The following OR5P2 variants were observed in gnomAD, a reference collection of about 807,000 sequenced individuals.
OR5P2 encodes olfactory receptor 5P2.
For synonymous variants in OR5P2, 165 were observed against 145.6 expected, an observed-to-expected ratio of 1.13 and a Z score of -0.96; for missense variants, 455 against 382.3, an observed-to-expected ratio of 1.19 and a Z score of -1.59.
Position 7,796,310 on chromosome 11 carries a change from G to A in OR5P2, c.633C>T (p.Ala211=), listed in dbSNP as rs1976626. 21,037 of 1,604,714 alleles carry A rather than the reference G, an allele frequency of 0.013. 1,992 individuals are homozygous for A. Among genetic ancestry groups the A allele is most frequent in the African/African-American group, 0.092 (6,390 of 69,136 alleles). Residue 211 remains alanine, a synonymous_variant, in exon 1 of 1, where the codon GCC becomes GCT. Transcript: ENST00000329434. Reference sequence around the variant, plus strand: ...TGATGAGGATATAGATGTAGCAGACGGCTATGACACACACAGTGACCACAA... The same window carrying A: ...TGATGAGGATATAGATGTAGCAGACAGCTATGACACACACAGTGACCACAA... ...SIIVVTVCVI[A]VCYIYILITI... is the part of the protein sequence containing the mutation.
At position 7,796,664 on chromosome 11, in the gene OR5P2, A is replaced by G. The variant is rs1357209673; in HGVS notation, c.279T>C (p.Cys93=). 4 of 1,605,278 alleles carry G rather than the reference A, an allele frequency of 2.5e-6. 1 individual carries two copies. In the South Asian group the frequency reaches 4.4e-5, roughly 18 times the overall value. Residue 93 remains cysteine (C), a synonymous_variant, in exon 1 of 1, where the codon TGT becomes TGC. Coordinates refer to ENST00000329434, the MANE Select transcript of OR5P2 (RefSeq NM_153444.1). The part of the protein sequence containing the change: ...VERNTVSYLG[C]AIQLGSAAFF... ...AAGCCGCTGAACCAAGCTGGATGGC[A>G]CATCCAAGGTAGGAGACTGTATTTC...
In OR5P2 at chr11:7,796,705, T is replaced by A. The variant is rs775969176; in HGVS notation, c.238A>T (p.Asn80Tyr). The A allele has an allele frequency of 1.1e-5, 17 of 1,605,566 alleles. 1 individual carries two copies. The South Asian group carries it at 1.7e-4, about 16-fold the overall frequency. Residue 80 changes from asparagine (N) to tyrosine (Y), a missense_variant, in exon 1 of 1, where the codon AAC (asparagine) becomes TAC (tyrosine). Asn to Tyr is a moderately radical substitution (Grantham distance 143). Transcript: ENST00000329434. ...SSSVTPNMLVNFLVERNTVSY... is the reference protein window; with the variant it reads ...SSSVTPNMLVYFLVERNTVSY... ...ACTGTATTTCTCTCCACCAGGAAGT[T>A]TACAAGCATGTTGGGTGTGACAGAA...
rs770565786 is a variant in OR5P2 at position 7,796,043 on chromosome 11, C to T, written c.900G>A (p.Glu300=). The change falls in exon 1 of 1, where the codon GAG becomes GAA. Residue 300 remains glutamate, a synonymous_variant. Transcript: ENST00000329434. ...NKEIKGALKR[E]LVRKILSHDA... ...CATGAGAAAGTATTTTTCTAACAAG[C>T]TCTCTCTTCAGAGCCCCCTTAATCT... The T allele has an allele frequency of 1.9e-5, 31 of 1,603,716 alleles. 4 individuals carry two copies. The highest frequency in any genetic ancestry group is 1.7e-4 in the Middle Eastern group (1 of 6,034).
In OR5P2 at chr11:7,796,882, T is replaced by C; in HGVS notation, c.61A>G (p.Thr21Ala). The change falls in exon 1 of 1, where the codon ACA (threonine) becomes GCA (alanine). Residue 21 changes from threonine to alanine, a missense_variant. By Grantham distance (58) the Thr-to-Ala change is moderately conservative. Coordinates refer to ENST00000329434, the MANE Select transcript of OR5P2 (RefSeq NM_153444.1). ...ATGACTCGAAGGATTGGATCATCTG[T>C]TAAGCCCAATAGGATGAACCCCGTC... ...ALTGFILLGL[T>A]DDPILRVILF... 1 of 1,585,670 alleles carries C rather than the reference T, an allele frequency of 6.3e-7. No homozygotes were observed. The highest frequency in any genetic ancestry group is 2.3e-5 in the East Asian group (1 of 44,228).
rs1564822273 is a variant in OR5P2 at position 7,796,139 on chromosome 11, C to A, written c.804G>T (p.Lys268Asn). 1 of 1,605,332 alleles carries A rather than the reference C, an allele frequency of 6.2e-7. No homozygotes were observed. Among genetic ancestry groups the A allele is most frequent in the African/African-American group, 1.4e-5 (1 of 69,334 alleles). Residue 268 changes from lysine to asparagine, a missense_variant, in exon 1 of 1, where the codon AAG (lysine) becomes AAT (asparagine). Transcript: ENST00000329434. Reference protein sequence around the residue: ...PNFSYSTDQNKVVSVLYTVVI... With the variant: ...PNFSYSTDQNNVVSVLYTVVI... ...CCACTGTGTACAACACAGACACCAC[C>A]TTGTTCTGGTCAGTTGAGTAGCTAA...
In OR5P2 at chr11:7,796,510, A is replaced by C; in HGVS notation, c.433T>G (p.Tyr145Asp). 3 of 1,605,196 alleles carry C rather than the reference A, an allele frequency of 1.9e-6. No individual in the cohort carries two copies. In the East Asian group the frequency reaches 6.8e-5, roughly 36 times the overall value. ...ACAGCAATGAGAAAACCAGCTATGT[A>C]AACTACTAAGAGTAGCTGGACACTG... ...QVSVQLLLVV[Y>D]IAGFLIAVSY... The change falls in exon 1 of 1, where the codon TAC (tyrosine) becomes GAC (aspartate). Residue 145 changes from tyrosine to aspartate, a missense_variant. Transcript: ENST00000329434.
Position 7,796,551 on chromosome 11 carries a change from T to G in OR5P2, c.392A>C (p.Lys131Thr), listed in dbSNP as rs777015321. 1.2e-5 allele frequency: 19 copies of G among 1,605,548 alleles called. 1 individual carries two copies. Among genetic ancestry groups the G allele is most frequent in the Non-Finnish European group, 1.5e-5 (18 of 1,178,760 alleles). Residue 131 changes from lysine to threonine, a missense_variant, in exon 1 of 1, where the codon AAA becomes ACA. By Grantham distance (78) the Lys-to-Thr change is moderately conservative. Transcript: ENST00000329434. ...CTGGACACTGACTTGTGTGGACATT[T>G]TGGTTGAATAAAGCAGTGGACTGCA... ...AICSPLLYST[K>T]MSTQVSVQLL...
rs779327457 is a variant in OR5P2 at position 7,796,015 on chromosome 11, C to A, written c.928G>T (p.Ala310Ser). The A allele has an allele frequency of 1.2e-5, 19 of 1,594,232 alleles. 1 individual carries two copies. Among genetic ancestry groups the A allele is most frequent in the Admixed American group, 1.7e-5 (1 of 59,684 alleles). Residue 310 changes from alanine to serine, a missense_variant, in exon 1 of 1, where the codon GCT becomes TCT. Physicochemically the swap from Ala to Ser is moderately conservative, Grantham distance 99. Coordinates refer to ENST00000329434, the MANE Select transcript of OR5P2 (RefSeq NM_153444.1). ...TTTGAAGTTCTACTAAAATAACAAG[C>A]ATCATGAGAAAGTATTTTTCTAACA... Reference protein sequence around the residue: ...ELVRKILSHDACYFSRTSNND... With the variant: ...ELVRKILSHDSCYFSRTSNND...
Position 7,796,565 on chromosome 11 carries a change from C to T in OR5P2, c.378G>A (p.Leu126=), listed in dbSNP as rs546856795. Residue 126 remains leucine, a synonymous_variant, in exon 1 of 1, where the codon CTG becomes CTA. Transcript: ENST00000329434. ...GTGTGGACATTTTGGTTGAATAAAG[C>T]AGTGGACTGCAAATTGCCACAAAGC... ...YDRFVAICSP[L]LYSTKMSTQV... The T allele has an allele frequency of 3.1e-6, 5 of 1,605,646 alleles. No homozygotes were observed. In the African/African-American group the frequency reaches 4.3e-5, roughly 14 times the overall value.
Position 7,796,808 on chromosome 11 carries a change from G to A in OR5P2, c.135C>T (p.Ile45=). 1 of 1,573,232 alleles carries A rather than the reference G, an allele frequency of 6.4e-7. No homozygotes were observed. The highest frequency in any genetic ancestry group is 8.6e-7 in the Non-Finnish European group (1 of 1,162,020). The change falls in exon 1 of 1, where the codon ATC becomes ATT. Residue 45 remains isoleucine, a synonymous_variant. Transcript: ENST00000329434. ...LSGNLSIIIL[I]RISSQLHHPM... is the part of the protein sequence containing the mutation. ...GATGATGGAGCTGAGAAGAAATTCT[G>A]ATAAGAATAATTATGCTGAGATTAC... is the stretch of plus-strand genomic sequence containing the variant.
rs761121180 is a variant in OR5P2, at chr11:7,796,385, A to C, written c.558T>G (p.Ser186=). ...GAACAACTGTGGAGACACTGATATC[A>C]GAACAGGAGAGTTCAAGTAAGGGAG... ...DFAPLLELSC[S]DISVSTVVLS... Residue 186 remains serine, a synonymous_variant, in exon 1 of 1, where the codon TCT becomes TCG. Transcript: ENST00000329434. 11 of 1,604,874 alleles carry C rather than the reference A, an allele frequency of 6.9e-6. No homozygotes were observed. Among genetic ancestry groups the C allele is most frequent in the Non-Finnish European group, 9.3e-6 (11 of 1,178,284 alleles).
rs1026299088 is a variant in OR5P2 at position 7,796,052 on chromosome 11, C to T, written c.891G>A (p.Leu297=). Residue 297 remains leucine, a synonymous_variant, in exon 1 of 1, where the codon CTG becomes CTA. Coordinates refer to ENST00000329434, the MANE Select transcript of OR5P2 (RefSeq NM_153444.1). ...GTATTTTTCTAACAAGCTCTCTCTT[C>T]AGAGCCCCCTTAATCTCCTTGTTCC... ...SLRNKEIKGA[L]KRELVRKILS... 1.2e-5 allele frequency: 20 copies of T among 1,604,816 alleles called. 1 individual carries two copies. The highest frequency in any genetic ancestry group is 2.3e-5 in the East Asian group (1 of 44,370).
chr11:7,796,206 AGGGTAACCACAGTGAGGT>A lies in OR5P2; in HGVS notation c.719_736del (p.His240_Thr245del). The A allele has an allele frequency of 6.2e-7, 1 of 1,605,130 alleles. No individual in the cohort carries two copies. The highest frequency in any genetic ancestry group is 8.5e-7 in the Non-Finnish European group (1 of 1,178,746). On this transcript the variant is annotated inframe_deletion, in exon 1 of 1. Transcript: ENST00000329434. ...AATGAAGGTAATGGTCCCATAGAACAGGGTAACCACAGTGAGGTGGGAAGTGCAGGTGGAGAAGGCCTT... is the reference window on the plus strand; with the variant it reads ...AATGAAGGTAATGGTCCCATAGAACAGGGAAGTGCAGGTGGAGAAGGCCTT...
chr11:7,796,144 T>TG lies in OR5P2; in HGVS notation c.798_799insC (p.Asn267GlnfsTer28). The stretch of plus-strand genomic sequence containing the variant: ...GTGTACAACACAGACACCACCTTGT[T>TG]CTGGTCAGTTGAGTAGCTAAAATTG... On this transcript the variant is annotated frameshift_variant, in exon 1 of 1. Transcript: ENST00000329434. LOFTEE classifies it low-confidence loss of function (END_TRUNC). The TG allele has an allele frequency of 6.2e-7, 1 of 1,605,320 alleles. No homozygotes were observed. The highest frequency in any genetic ancestry group is 8.5e-7 in the Non-Finnish European group (1 of 1,178,696).
Position 7,796,507 on chromosome 11 carries a change from T to C in OR5P2, c.436A>G (p.Ile146Val), listed in dbSNP as rs374394227. The C allele has an allele frequency of 2.5e-6, 4 of 1,604,914 alleles. No individual in the cohort carries two copies. The highest frequency in any genetic ancestry group is 2.3e-5 in the East Asian group (1 of 44,348). ...GAGACAGCAATGAGAAAACCAGCTA[T>C]GTAAACTACTAAGAGTAGCTGGACA... is the stretch of plus-strand genomic sequence containing the variant. The part of the protein sequence containing the change: ...VSVQLLLVVY[I>V]AGFLIAVSYT... Residue 146 changes from isoleucine to valine, a missense_variant, in exon 1 of 1, where the codon ATA (isoleucine) becomes GTA (valine). Physicochemically the swap from Ile to Val is conservative, Grantham distance 29. Coordinates refer to ENST00000329434, the MANE Select transcript of OR5P2 (RefSeq NM_153444.1).
rs1299144578 is a variant in OR5P2, at chr11:7,796,832, A to G, written c.111T>C (p.Gly37=). The G allele has an allele frequency of 2.0e-6, 3 of 1,517,112 alleles. No individual in the cohort carries two copies. Among genetic ancestry groups the G allele is most frequent in the Non-Finnish European group, 1.8e-6 (2 of 1,125,422 alleles). 94.0% of individuals were successfully genotyped at this position (1,517,112 alleles called of 1,614,324 possible). A position where few individuals can be genotyped will look rare whatever the true frequency, so the allele number is the denominator to read the frequency against. ...RVILFMIILS[G]NLSIIILIRI... ...TGATAAGAATAATTATGCTGAGATT[A>G]CCAGATAGGATGATCATGAAGAGGA... is the stretch of plus-strand genomic sequence containing the variant. Residue 37 remains glycine, a synonymous_variant, in exon 1 of 1, where the codon GGT becomes GGC. Coordinates refer to ENST00000329434, the MANE Select transcript of OR5P2 (RefSeq NM_153444.1).
In OR5P2 at chr11:7,796,551, T is replaced by A. The variant is rs777015321; in HGVS notation, c.392A>T (p.Lys131Ile). 6.2e-7 allele frequency: 1 copy of A among 1,605,654 alleles called. No homozygotes were observed. The highest frequency in any genetic ancestry group is 1.7e-5 in the Admixed American group (1 of 59,822). Residue 131 changes from lysine to isoleucine, a missense_variant, in exon 1 of 1, where the codon AAA (lysine) becomes ATA (isoleucine). By Grantham distance (102) the Lys-to-Ile change is moderately radical. Transcript: ENST00000329434. Reference sequence around the variant, plus strand: ...CTGGACACTGACTTGTGTGGACATTTTGGTTGAATAAAGCAGTGGACTGCA... The same window carrying A: ...CTGGACACTGACTTGTGTGGACATTATGGTTGAATAAAGCAGTGGACTGCA... ...AICSPLLYST[K>I]MSTQVSVQLL...
In OR5P2 at chr11:7,796,918, G is replaced by A. The variant is rs866407023; in HGVS notation, c.25C>T (p.His9Tyr). The A allele has an allele frequency of 6.3e-7, 1 of 1,580,502 alleles. No individual in the cohort carries two copies. The highest frequency in any genetic ancestry group is 8.6e-7 in the Non-Finnish European group (1 of 1,166,630). Reference sequence around the variant, plus strand: ...AGGATGAACCCCGTCAGAGCGGTGTGATTCCCGTCCTTCAGGGAATTCATG... The same window carrying A: ...AGGATGAACCCCGTCAGAGCGGTGTAATTCCCGTCCTTCAGGGAATTCATG... MNSLKDGN[H>Y]TALTGFILLG... Residue 9 changes from histidine to tyrosine, a missense_variant, in exon 1 of 1, where the codon CAC (histidine) becomes TAC (tyrosine). Transcript: ENST00000329434.
chr11:7,796,133 C>A lies in OR5P2; in HGVS notation c.810G>T (p.Val270=). 1 of 1,605,432 alleles carries A rather than the reference C, an allele frequency of 6.2e-7. No homozygotes were observed. Among genetic ancestry groups the A allele is most frequent in the African/African-American group, 1.4e-5 (1 of 69,496 alleles). ...FSYSTDQNKV[V]SVLYTVVIPM... Reference sequence around the variant, plus strand: ...GAATCACCACTGTGTACAACACAGACACCACCTTGTTCTGGTCAGTTGAGT... The same window carrying A: ...GAATCACCACTGTGTACAACACAGAAACCACCTTGTTCTGGTCAGTTGAGT... The change falls in exon 1 of 1, where the codon GTG becomes GTT. Residue 270 remains valine (V), a synonymous_variant. Transcript: ENST00000329434.
Sources: gnomAD v4.1 joint callset for allele counts on GRCh38, gnomAD v4.1.1 for gene constraint, MANE v1.5 for transcripts, NCBI Gene and HGNC (gene_info 2026-07-23, HGNC 2026-07-21) for gene names.